The following OR14A2 variants were observed in gnomAD, a reference collection of about 807,000 sequenced individuals.
OR14A2 encodes the protein olfactory receptor family 14 subfamily A member 2.
For synonymous variants in OR14A2, 114 were observed against 58.6 expected (o/e 1.95, Z -4.32); for missense variants, 237 against 152.9 (o/e 1.55, Z -2.90).
At chr1:247,740,627 G>A in the OR14A2 span, among the ~76,000 whole-genome samples, 1 of 152,104 alleles carries the variant, frequency 6.6e-6, no homozygotes, top group Admixed American at 6.6e-5. Flanking sequence ...TTCTAACATT[G>A]TGATAAATTA....
At chr1:247,745,417 CT>C in the OR14A2 span, among the ~76,000 whole-genome samples, 5 of 148,756 alleles carry the variant, frequency 3.4e-5, no homozygotes, top group Admixed American at 1.3e-4. Context: ...TGTCTTTTGG[CT>C]TTTTTTTTGA....
chr1:247,739,538 C>T, the OR14A2 span: 1 of 776,920 alleles, frequency 1.3e-6, no homozygotes, highest in African/African-American at 1.7e-5. Context: ...ATGTTAGAAG[C>T]AGTGGGGTAA....
the OR14A2 span, chr1:247,738,667 A>G: frequency 5.1e-6 from 4 of 780,588 alleles, no homozygotes; most frequent in Admixed American, 3.4e-5. Flanking sequence ...TTTACTGAGA[A>G]TTGGGTGCTC....
At chr1:247,738,727 T>G in the OR14A2 span, 3 of 780,874 alleles carry the variant, frequency 3.8e-6, no homozygotes, top group Middle Eastern at 4.5e-4. Flanking sequence ...ACGGCTGTGC[T>G]GATGAATTTA....
At chr1:247,723,922 A>G (rs1301623699) in exon 1 of OR14A2, 5 of 717,116 alleles carry the variant, frequency 7.0e-6, no homozygotes, top group Non-Finnish European at 1.3e-5. Context: ...AATGATGAGA[A>G]GGTTACTCAT....
chr1:247,726,804 G>T (rs1299626107), upstream of OR14A2, among the ~76,000 whole-genome samples: 2 of 117,858 alleles, frequency 1.7e-5, no homozygotes, highest in African/African-American at 7.4e-5. Context: ...TTTCCCCATT[G>T]CTTGTTTTTC....
chr1:247,734,639 T>G, the OR14A2 span, among the ~76,000 whole-genome samples: 2 of 152,222 alleles, frequency 1.3e-5, no homozygotes, highest in Non-Finnish European at 2.9e-5. Context: ...TTGATCTAGA[T>G]TCAGTCCCTG....
upstream of OR14A2, among the ~76,000 whole-genome samples, chr1:247,726,473 T>A (rs1215544808): frequency 1.6e-5 from 2 of 127,754 alleles, no homozygotes; most frequent in Non-Finnish European, 3.2e-5. Flanking sequence ...TTTCTCCCAT[T>A]TTGTAGGTTG....
upstream of OR14A2, among the ~76,000 whole-genome samples, chr1:247,728,103 T>G (rs376430689): frequency 1.5e-4 from 23 of 149,980 alleles, no homozygotes; most frequent in African/African-American, 4.9e-4. Context: ...TACCAAAGCC[T>G]GGCAGAGACA....
chr1:247,733,117 C>T, the OR14A2 span, among the ~76,000 whole-genome samples: 9 of 152,238 alleles, frequency 5.9e-5, no homozygotes, highest in East Asian at 5.8e-4. Context: ...TGAGAGCATT[C>T]GGAAATTCAT....
the OR14A2 span, among the ~76,000 whole-genome samples, chr1:247,745,068 G>A: frequency 1.3e-5 from 2 of 152,002 alleles, no homozygotes; most frequent in Non-Finnish European, 2.9e-5. Flanking sequence ...ACTTCAATGC[G>A]TTTCTTGGCC....
At chr1:247,736,897 C>G in the OR14A2 span, among the ~76,000 whole-genome samples, 2 of 152,122 alleles carry the variant, frequency 1.3e-5, no homozygotes, top group Admixed American at 6.5e-5. Context: ...CAAGAAAGCC[C>G]AAAGTTTGCA....
At chr1:247,739,466 C>G in the OR14A2 span, 1 of 780,802 alleles carries the variant, frequency 1.3e-6, no homozygotes, top group Non-Finnish European at 2.4e-6. Flanking sequence ...CAACCTTGAA[C>G]CCTGTTATCT....
At chr1:247,732,159 G>T in the OR14A2 span, among the ~76,000 whole-genome samples, 1 of 151,888 alleles carries the variant, frequency 6.6e-6, no homozygotes, top group Non-Finnish European at 1.5e-5. Flanking sequence ...AAAGTGTTTG[G>T]CCTAACTTTT....
At chr1:247,730,547 T>G in the OR14A2 span, among the ~76,000 whole-genome samples, 1 of 152,106 alleles carries the variant, frequency 6.6e-6, no homozygotes, top group Non-Finnish European at 1.5e-5. Flanking sequence ...ATTTGTTGGT[T>G]TTCTAGCTGC....
chr1:247,732,023 G>A, the OR14A2 span, among the ~76,000 whole-genome samples: 1 of 151,928 alleles, frequency 6.6e-6, no homozygotes, highest in African/African-American at 2.4e-5. Flanking sequence ...TTTCTTCATT[G>A]GTCTTGAACT....
chr1:247,734,501 T>C, the OR14A2 span, among the ~76,000 whole-genome samples: 1 of 152,234 alleles, frequency 6.6e-6, no homozygotes, highest in African/African-American at 2.4e-5. Context: ...AGCTTGGGGG[T>C]TGTGTACTGA....
chr1:247,726,498 T>C (rs1660365469), upstream of OR14A2, among the ~76,000 whole-genome samples: 2 of 111,102 alleles, frequency 1.8e-5, no homozygotes, highest in African/African-American at 7.9e-5. Flanking sequence ...TTCACTCTGA[T>C]GGTAGTTTCT....
At chr1:247,739,101 T>A in the OR14A2 span, 3 of 780,780 alleles carry the variant, frequency 3.8e-6, no homozygotes, top group African/African-American at 5.1e-5. Context: ...TGGAACATTC[T>A]CTCTGAATTT....
Sources: gnomAD v4.1 joint callset for allele counts (sites outside exome capture counted in the v4.1 genomes callset) on GRCh38, gnomAD v4.1.1 for gene constraint, MANE v1.5 for transcripts, NCBI Gene and HGNC (gene_info 2026-07-23, HGNC 2026-07-21) for gene names.